Variants in ARID3A observed in about 807,000 individuals in gnomAD.
The protein encoded by ARID3A is AT-rich interactive domain-containing protein 3A.
Under a neutral mutation model 52.7 loss-of-function variants are expected in ARID3A, and 11 were observed. The observed-to-expected ratio is 0.21, with a 90% CI of 0.13 to 0.35. ARID3A has a LOEUF of 0.35. ARID3A is among the 10% of genes least tolerant of loss of function. ARID3A has a pLI of 1.00. For missense variants in ARID3A, 721 were observed against 838.5 expected, an observed-to-expected ratio of 0.86 and a Z score of 1.73; for synonymous variants, 404 against 359.4, an observed-to-expected ratio of 1.12 and a Z score of -1.40.
chr19:939,884 G>A (rs1599392590), intron 3 of ARID3A, among the ~76,000 whole-genome samples: 1 of 152,070 alleles, frequency 6.6e-6, no homozygotes, highest in East Asian at 1.9e-4. Flanking sequence ...TGGGAGAATC[G>A]GCAACACGTT....
intron 2 of ARID3A, among the ~76,000 whole-genome samples, chr19:931,043 C>T (rs1278212795): frequency 6.6e-6 from 1 of 152,096 alleles, no homozygotes; most frequent in Non-Finnish European, 1.5e-5. Context: ...CCTGTAATCC[C>T]AGCACTTTGG....
At chr19:968,350 C>T in intron 7 of ARID3A, 55 bp from the exon 8 acceptor site, 2 of 1,517,620 alleles carry the variant, frequency 1.3e-6, no homozygotes, top group Non-Finnish European at 9.0e-7. Flanking sequence ...CAGAGCAAGA[C>T]TCTGTCTCAA....
chr19:929,305 C>T lies in ARID3A; in HGVS notation c.-224C>T, dbSNP rs2037265803. 1 of 460,942 alleles carries T rather than the reference C, an allele frequency of 2.2e-6. No homozygotes were observed. The highest frequency in any genetic ancestry group is 3.1e-6 in the Non-Finnish European group (1 of 318,438). 28.6% of individuals were successfully genotyped at this position (460,942 alleles called of 1,614,324 possible). A position where few individuals can be genotyped will look rare whatever the true frequency, so the allele number is the denominator to read the frequency against. ...ATGAGCCGGATGCCAGCCTCTGTCC[C>T]CTGGAGCCCAGCGTGAGGAAGAGGC... On this transcript the variant is annotated 5_prime_UTR_variant, in exon 2 of 9. Transcript: ENST00000263620. This position sits in a 1 kb window ranked among gnomAD's most constrained non-coding sequence, Gnocchi z 6.2.
rs2038111137 is a variant in ARID3A, at chr19:964,707, T to C, written c.951-126T>C. 3 of 1,442,604 alleles carry C rather than the reference T, an allele frequency of 2.1e-6. No individual in the cohort carries two copies. In the East Asian group the frequency reaches 7.4e-5, roughly 36 times the overall value. 89.4% of individuals were successfully genotyped at this position (1,442,604 alleles called of 1,614,324 possible). On this transcript the variant is annotated intron_variant, in intron 5 of 8. Transcript: ENST00000263620. The surrounding 1 kb of genome is among the most constrained non-coding windows in gnomAD (Gnocchi z 5.7). ...GCAAAGGCCCAGCAGCTCTGGGGGCTGCTGAGCAAGTCCAAGGGAAGAACC... is the reference window on the plus strand; with the variant it reads ...GCAAAGGCCCAGCAGCTCTGGGGGCCGCTGAGCAAGTCCAAGGGAAGAACC...
chr19:949,676 C>CTTTTTTT (rs71335322), intron 3 of ARID3A, among the ~76,000 whole-genome samples: 1 of 123,822 alleles, frequency 8.1e-6, no homozygotes, highest in Non-Finnish European at 1.6e-5. Context: ...CTGATTCTGT[C>CTTTTTTT]TTTTTTTTTT....
At chr19:951,973 A>C (rs349308) in intron 3 of ARID3A, among the ~76,000 whole-genome samples, 1 of 151,458 alleles carries the variant, frequency 6.6e-6, no homozygotes, top group South Asian at 2.1e-4. Context: ...CCGTCTCTGC[A>C]AAAAATTTAA....
intron 3 of ARID3A, among the ~76,000 whole-genome samples, chr19:933,196 T>C (rs350149): frequency 0.84 from 127,762 of 152,042 alleles, 53,745 homozygotes; most frequent in African/African-American, 0.89. Context: ...GGGCTGCAGC[T>C]GGCAGCCGAG....
chr19:927,980 T>G (rs2037236350), intron 1 of ARID3A, among the ~76,000 whole-genome samples: 1 of 152,082 alleles, frequency 6.6e-6, no homozygotes, highest in African/African-American at 2.4e-5. Context: ...CACAGGACTC[T>G]CTTGTCCGGT....
rs1437725247 is a variant in ARID3A at position 932,589 on chromosome 19, C to T, written c.540C>T (p.Pro180=). The part of the protein sequence containing the change: ...TALFPRKAQP[P]QAFRGDGVPR... Reference sequence around the variant, plus strand: ...TGTTCCCCCGAAAGGCCCAGCCACCCCAGGCCTTCCGCGGCGATGGCGTTC... The same window carrying T: ...TGTTCCCCCGAAAGGCCCAGCCACCTCAGGCCTTCCGCGGCGATGGCGTTC... Residue 180 remains proline, a synonymous_variant, in exon 3 of 9, where the codon CCC becomes CCT. Transcript: ENST00000263620. The T allele has an allele frequency of 6.6e-7, 1 of 1,514,712 alleles. No individual in the cohort carries two copies. Among genetic ancestry groups the T allele is most frequent in the Non-Finnish European group, 8.8e-7 (1 of 1,133,496 alleles). The allele number at this position is 1,514,712 out of a possible 1,614,324, so 93.8% of individuals were successfully genotyped here.
intron 3 of ARID3A, among the ~76,000 whole-genome samples, chr19:934,960 G>A (rs1007918265): frequency 6.6e-6 from 1 of 152,094 alleles, no homozygotes; most frequent in East Asian, 1.9e-4. Flanking sequence ...CGCCGATGCC[G>A]CCGCCCGCCC....
chr19:948,492 C>A (rs903735226), intron 3 of ARID3A, among the ~76,000 whole-genome samples: 2 of 152,126 alleles, frequency 1.3e-5, no homozygotes, highest in East Asian at 3.9e-4. Context: ...CCCACCCCCA[C>A]CATGGGTAAA....
In ARID3A at chr19:966,906, G is replaced by A. The variant is rs568207485; in HGVS notation, c.1495+38G>A. 8.6e-5 allele frequency: 134 copies of A among 1,565,188 alleles called. 4 individuals are homozygous for A. In the South Asian group the frequency reaches 1.1e-3, roughly 13 times the overall value. On this transcript the variant is annotated intron_variant, in intron 7 of 8. Transcript: ENST00000263620. ...TGCCCAGACCCGCTGTGCTTCCTGC[G>A]TGTGTCACACAGTGAGGGCCTTGGA... is the stretch of plus-strand genomic sequence containing the variant.
At chr19:926,186 C>G (rs2037191932) in intron 1 of ARID3A, 127 bp downstream of exon 1, 1 of 150,814 alleles carries the variant, frequency 6.6e-6, no homozygotes. Flanking sequence ...CCACTACGAG[C>G]CGCCCTGCGC....
At chr19:925,782 CT>C (rs2037182573), upstream of ARID3A, 1 of 152,104 alleles carries the variant, frequency 6.6e-6, no homozygotes, top group South Asian at 2.1e-4. Context: ...TCCGTCCACT[CT>C]GCCCGGCTCC....
Position 966,613 on chromosome 19 carries a change from C to T in ARID3A, c.1240C>T (p.Pro414Ser), listed in dbSNP as rs753391986. Reference sequence around the variant, plus strand: ...CCCCATCACAGTCCCTGGCCGCCTGCCTGTGTCCCTGGCGGGCCACCCTGT... The same window carrying T: ...CCCCATCACAGTCCCTGGCCGCCTGTCTGTGTCCCTGGCGGGCCACCCTGT... ...AIPITVPGRL[P>S]VSLAGHPVVA... Residue 414 changes from proline (P) to serine (S), a missense_variant, in exon 7 of 9, where the codon CCT becomes TCT. This residue lies in a region of ARID3A where 297 missense variants were observed against 343.2 expected (regional missense o/e 0.87). Coordinates refer to ENST00000263620, the MANE Select transcript of ARID3A (RefSeq NM_005224.3). 1.9e-6 allele frequency: 3 copies of T among 1,590,436 alleles called. No homozygotes were observed. The highest frequency in any genetic ancestry group is 2.6e-6 in the Non-Finnish European group (3 of 1,164,122).
At chr19:951,965 G>A (rs772800656) in intron 3 of ARID3A, among the ~76,000 whole-genome samples, 1 of 151,480 alleles carries the variant, frequency 6.6e-6, no homozygotes, top group Admixed American at 6.6e-5. Flanking sequence ...GTGAAACCCC[G>A]TCTCTGCAAA....
rs2145454394 is a variant in ARID3A, at chr19:964,911, C to T, written c.1029C>T (p.Asp343=). 2 of 1,614,010 alleles carry T rather than the reference C, an allele frequency of 1.2e-6. No homozygotes were observed. Among genetic ancestry groups the T allele is most frequent in the Non-Finnish European group, 1.7e-6 (2 of 1,180,024 alleles). The change falls in exon 6 of 9, where the codon GAC becomes GAT. Residue 343 remains aspartate, a synonymous_variant. Transcript: ENST00000263620. The surrounding 1 kb of genome is among the most constrained non-coding windows in gnomAD (Gnocchi z 5.7). ...CCAATGAGCTCCAGGCAGCCATAGACAGCAACCGACGGGAGGGCCGGCGCC... is the reference window on the plus strand; with the variant it reads ...CCAATGAGCTCCAGGCAGCCATAGATAGCAACCGACGGGAGGGCCGGCGCC... ...SNPNELQAAI[D]SNRREGRRQS...
At position 941,698 on chromosome 19, in the gene ARID3A, C is replaced by T. The variant is rs778250467; in HGVS notation, c.693+8956C>T. 7.6e-4 allele frequency among the ~76,000 whole-genome samples: 116 copies of T among 152,012 alleles called. 1 individual carries two copies. The highest frequency in any genetic ancestry group is 1.6e-3 in the Non-Finnish European group (108 of 68,000). On this transcript the variant is annotated intron_variant, in intron 3 of 8. Transcript: ENST00000263620. This position sits in a 1 kb window ranked among gnomAD's most constrained non-coding sequence, Gnocchi z 6.9. ...AACTCCTGGGCTCAAGTGATCCTCCCGCCTCGGTCTCTGAAAGTGCTGGGA... is the reference window on the plus strand; with the variant it reads ...AACTCCTGGGCTCAAGTGATCCTCCTGCCTCGGTCTCTGAAAGTGCTGGGA...
At position 930,101 on chromosome 19, in the gene ARID3A, A is replaced by C. The variant is rs191072463; in HGVS notation, c.368+205A>C. Among the ~76,000 whole-genome samples, 12 of 152,210 alleles carry C rather than the reference A, an allele frequency of 7.9e-5. 1 individual carries two copies. The East Asian group carries it at 2.3e-3, about 29-fold the overall frequency. On this transcript the variant is annotated intron_variant, in intron 2 of 8. Coordinates refer to ENST00000263620, the MANE Select transcript of ARID3A (RefSeq NM_005224.3). ...CAACATAGCAAGACCCCATCTCCGC[A>C]AAAAATTAAAAAATTAGCCAGGCAT...
Sources: gnomAD v4.1 joint callset for allele counts (sites outside exome capture counted in the v4.1 genomes callset) on GRCh38, gnomAD v4.1.1 for gene constraint, gnomAD v4.1.1 regional missense constraint, Gnocchi (gnomAD v3.1) non-coding constraint, MANE v1.5 for transcripts, NCBI Gene and HGNC (gene_info 2026-07-23, HGNC 2026-07-21) for gene names.